The following CLK3 variants were observed in gnomAD, a reference collection of about 807,000 sequenced individuals.
CLK3 encodes dual specificity protein kinase CLK3.
CLK3 carries 24 observed loss-of-function variants against 65.2 expected under a neutral mutation model. The observed-to-expected ratio is 0.37, with a 90% CI of 0.27 to 0.52. The LOEUF (loss-of-function observed/expected upper bound fraction) is 0.52, where lower values mean the gene tolerates loss of function less well. Ranked by LOEUF, CLK3 falls within the 20% of genes least tolerant of loss-of-function variation. The pLI, the probability that CLK3 is intolerant of heterozygous loss-of-function variation, is 0.92. For missense variants in CLK3, 506 were observed against 660.0 expected (o/e 0.77, Z 2.56); for synonymous variants, 252 against 240.8 (o/e 1.05, Z -0.43).
At position 74,621,199 on chromosome 15, in the gene CLK3, C is replaced by G. The variant is rs897166888; in HGVS notation, c.370-921C>G. ...CTGTGCGGGCGATTGCAGCGTGGCC[C>G]TTTCACCTCTTTGCACACTGCCACA... On this transcript the variant is annotated intron_variant, in intron 3 of 12. Transcript: ENST00000395066. This position sits in a 1 kb window ranked among gnomAD's most constrained non-coding sequence, Gnocchi z 4.8. The G allele has an allele frequency of 3.9e-5, 6 of 152,570 alleles. No individual in the cohort carries two copies. Among genetic ancestry groups the G allele is most frequent in the African/African-American group, 9.6e-5 (4 of 41,468 alleles). 9.5% of individuals were successfully genotyped at this position (152,570 alleles called of 1,614,324 possible). A position where few individuals can be genotyped will look rare whatever the true frequency, so the allele number is the denominator to read the frequency against.
At chr15:74,616,855 C>T (rs1165120582) in intron 1 of CLK3, among the ~76,000 whole-genome samples, 2 of 152,240 alleles carry the variant, frequency 1.3e-5, no homozygotes, top group Non-Finnish European at 2.9e-5. Flanking sequence ...CCGACAAGGC[C>T]TGTGCTCAAA....
chr15:74,618,565 C>T (rs1174273222), intron 1 of CLK3, among the ~76,000 whole-genome samples: 1 of 152,136 alleles, frequency 6.6e-6, no homozygotes, highest in Admixed American at 6.5e-5. Flanking sequence ...TTGGGTTGAC[C>T]CTCAGGAGGG....
chr15:74,626,860 C>T, intron 7 of CLK3: 1 of 393,366 alleles, frequency 2.5e-6, no homozygotes, highest in Non-Finnish European at 5.1e-6. Context: ...AGAGGCGGGG[C>T]TGTCTTCCTG....
chr15:74,618,996 G>T, intron 1 of CLK3: 1 of 579,676 alleles, frequency 1.7e-6, no homozygotes, highest in Non-Finnish European at 3.0e-6. Flanking sequence ...TTTGTTCACT[G>T]GCAGAGAAAG....
intron 1 of CLK3, among the ~76,000 whole-genome samples, chr15:74,618,805 C>T (rs2062079035): frequency 6.6e-6 from 1 of 152,198 alleles, no homozygotes; most frequent in Non-Finnish European, 1.5e-5. Flanking sequence ...TTCACGGGAC[C>T]GCCCCCCCGG....
upstream of CLK3, among the ~76,000 whole-genome samples, chr15:74,611,604 C>T (rs1177153210): frequency 1.3e-5 from 2 of 152,246 alleles, no homozygotes; most frequent in Non-Finnish European, 2.9e-5. Flanking sequence ...CCTGTTGGAG[C>T]ACATGCCAGG....
chr15:74,616,680 G>T (rs1361699863), intron 1 of CLK3, among the ~76,000 whole-genome samples: 1 of 152,242 alleles, frequency 6.6e-6, no homozygotes, highest in Non-Finnish European at 1.5e-5. Context: ...ACCGTTGGTG[G>T]TGGAGGCTTG....
At position 74,627,380 on chromosome 15, in the gene CLK3, A is replaced by C; in HGVS notation, c.846A>C (p.Thr282=). Residue 282 remains threonine, a synonymous_variant, in exon 8 of 13, where the codon ACA becomes ACC. Transcript: ENST00000395066. The surrounding 1 kb of genome is among the most constrained non-coding windows in gnomAD (Gnocchi z 4.3). ...TGCATGAGAATCAGCTGACCCATAC[A>C]GACTTGAAACCAGAGAACATCCTGT... The part of the protein sequence containing the change: ...RFLHENQLTH[T]DLKPENILFV... The C allele has an allele frequency of 6.2e-7, 1 of 1,614,126 alleles. No homozygotes were observed. The highest frequency in any genetic ancestry group is 8.5e-7 in the Non-Finnish European group (1 of 1,179,976).
At chr15:74,618,692 G>A (rs2062078180) in intron 1 of CLK3, among the ~76,000 whole-genome samples, 1 of 152,206 alleles carries the variant, frequency 6.6e-6, no homozygotes, top group Admixed American at 6.5e-5. Context: ...TCCAGTTCAG[G>A]GCCCTAGCCA....
chr15:74,621,889 T>C lies in CLK3; in HGVS notation c.370-231T>C, dbSNP rs1324232741. ...TTTCTTTACATACCTGTAGCTGTTT[T>C]TACTTTTCTGTTTTTGAAGTCAGTT... is the stretch of plus-strand genomic sequence containing the variant. On this transcript the variant is annotated intron_variant, in intron 3 of 12. Coordinates refer to ENST00000395066, the MANE Select transcript of CLK3 (RefSeq NM_001130028.2). The surrounding 1 kb of genome is among the most constrained non-coding windows in gnomAD (Gnocchi z 4.8). 4 of 582,220 alleles carry C rather than the reference T, an allele frequency of 6.9e-6. No homozygotes were observed. Among genetic ancestry groups the C allele is most frequent in the African/African-American group, 5.5e-5 (3 of 54,080 alleles). 36.1% of individuals were successfully genotyped at this position (582,220 alleles called of 1,614,324 possible). A position where few individuals can be genotyped will look rare whatever the true frequency, so the allele number is the denominator to read the frequency against.
At chr15:74,616,396 C>T (rs970247701) in intron 1 of CLK3, among the ~76,000 whole-genome samples, 3 of 152,232 alleles carry the variant, frequency 2.0e-5, no homozygotes, top group African/African-American at 7.2e-5. Flanking sequence ...CCTGGGGCGG[C>T]AGGAAGGGAC....
At chr15:74,620,407 CTG>C in intron 3 of CLK3, 182 bp downstream of exon 3, 1 of 816,282 alleles carries the variant, frequency 1.2e-6, no homozygotes, top group Non-Finnish European at 1.9e-6. Flanking sequence ...GTCCTGGCCT[CTG>C]TGTCTTCTGG....
At chr15:74,615,967 G>A in intron 1 of CLK3, 69 bp downstream of exon 1, 2 of 1,116,492 alleles carry the variant, frequency 1.8e-6, no homozygotes, top group Non-Finnish European at 2.3e-6. Context: ...GGCGGGGCAG[G>A]CGCGCTGGTG....
At position 74,621,693 on chromosome 15, in the gene CLK3, C is replaced by T. The variant is rs1203782245; in HGVS notation, c.370-427C>T. 6.1e-6 allele frequency: 2 copies of T among 329,872 alleles called. No individual in the cohort carries two copies. Among genetic ancestry groups the T allele is most frequent in the African/African-American group, 2.2e-5 (1 of 46,394 alleles). 20.4% of individuals were successfully genotyped at this position (329,872 alleles called of 1,614,324 possible). ...CCTTCTTGCGCCGCCGTTCTCACTGCATCTTCCGCTCTGGCCCAAAGCCAC... is the reference window on the plus strand; with the variant it reads ...CCTTCTTGCGCCGCCGTTCTCACTGTATCTTCCGCTCTGGCCCAAAGCCAC... On this transcript the variant is annotated intron_variant, in intron 3 of 12. Transcript: ENST00000395066. The surrounding 1 kb of genome is among the most constrained non-coding windows in gnomAD (Gnocchi z 4.8).
chr15:74,622,351 G>T lies in CLK3; in HGVS notation c.466+135G>T. On this transcript the variant is annotated intron_variant, in intron 4 of 12. Transcript: ENST00000395066. This position sits in a 1 kb window ranked among gnomAD's most constrained non-coding sequence, Gnocchi z 4.6. ...CACCAGTAATTGCCTGAATGACACAGACACTAGCAACTTCCATTTTTAAGA... is the reference window on the plus strand; with the variant it reads ...CACCAGTAATTGCCTGAATGACACATACACTAGCAACTTCCATTTTTAAGA... The T allele has an allele frequency of 9.7e-7, 1 of 1,030,376 alleles. No individual in the cohort carries two copies. The highest frequency in any genetic ancestry group is 1.5e-5 in the South Asian group (1 of 67,400). The allele number at this position is 1,030,376 out of a possible 1,614,324, so 63.8% of individuals were successfully genotyped here.
chr15:74,619,171 A>G (rs926376146), intron 1 of CLK3, 26 bp from the exon 2 acceptor site: 1 of 1,612,212 alleles, frequency 6.2e-7, no homozygotes, highest in African/African-American at 1.3e-5. Flanking sequence ...TGTGTTTAGC[A>G]GGGCTCTCTG....
rs181126460 is a variant in CLK3, at chr15:74,627,677, C to T, written c.1042+9C>T. 3.0e-5 allele frequency: 48 copies of T among 1,613,310 alleles called. No homozygotes were observed. In the East Asian group the frequency reaches 8.9e-4, roughly 30 times the overall value. On this transcript the variant is annotated intron_variant, in intron 9 of 12. Coordinates refer to ENST00000395066, the MANE Select transcript of CLK3 (RefSeq NM_001130028.2). The surrounding 1 kb of genome is among the most constrained non-coding windows in gnomAD (Gnocchi z 4.3). ...GCCTGAGGTGATCCTTGGTGAGTGA[C>T]TGTATGGCCTGTGACCTTGTCATAC... is the stretch of plus-strand genomic sequence containing the variant.
At chr15:74,628,781 C>A in intron 11 of CLK3, 98 bp downstream of exon 11, 1 of 1,141,286 alleles carries the variant, frequency 8.8e-7, no homozygotes. Context: ...CTTTGCTGGA[C>A]AGTCCATGGT....
At chr15:74,616,319 TC>T (rs1288778536) in intron 1 of CLK3, among the ~76,000 whole-genome samples, 1 of 152,184 alleles carries the variant, frequency 6.6e-6, no homozygotes, top group Non-Finnish European at 1.5e-5. Flanking sequence ...TTTCCCTCTG[TC>T]CCCGGGTCTC....
Sources: gnomAD v4.1 joint callset for allele counts (sites outside exome capture counted in the v4.1 genomes callset) on GRCh38, gnomAD v4.1.1 for gene constraint, Gnocchi (gnomAD v3.1) non-coding constraint, MANE v1.5 for transcripts, NCBI Gene and HGNC (gene_info 2026-07-23, HGNC 2026-07-21) for gene names.